EHBP1: variants seen among roughly 807,000 people sequenced by gnomAD.
The protein encoded by EHBP1 is EH domain-binding protein 1.
In EHBP1, 55 loss-of-function variants were observed where a neutral mutation model predicts 144.0. That is an observed-to-expected ratio of 0.38 (90% CI 0.31 to 0.48). The LOEUF (loss-of-function observed/expected upper bound fraction) is 0.48, where lower values mean the gene tolerates loss of function less well. EHBP1 is among the 20% of genes least tolerant of loss of function. The pLI is 0.98. For missense variants in EHBP1, 1,200 were observed against 1,364.2 expected (o/e 0.88, Z 1.90); for synonymous variants, 469 against 472.7 (o/e 0.99, Z 0.10).
chr2:62,801,220 G>A (rs192693050), intron 5 of EHBP1, among the ~76,000 whole-genome samples: 1 of 152,186 alleles, frequency 6.6e-6, no homozygotes, highest in African/African-American at 2.4e-5. Flanking sequence ...GCAAATTACC[G>A]ATGTCTCAAG....
intron 5 of EHBP1, among the ~76,000 whole-genome samples, chr2:62,777,334 T>C (rs1253907022): frequency 1.3e-5 from 2 of 152,208 alleles, no homozygotes; most frequent in African/African-American, 4.8e-5. Context: ...TTTTAATACA[T>C]TAAAAGCATA....
intron 19 of EHBP1, among the ~76,000 whole-genome samples, chr2:63,022,540 C>A (rs1253093154): frequency 5.9e-5 from 9 of 152,090 alleles, no homozygotes; most frequent in Middle Eastern, 3.4e-3. Context: ...ATCTCGAACT[C>A]CTGACCTCAG....
rs968378564 is a variant in EHBP1, at chr2:62,677,193, C to G, written c.-296+3110C>G. ...CCAGGTTGACAGAGCAAGCCTGTCT[C>G]AAAACAAACAAACAAAAAACCTTTG... is the stretch of plus-strand genomic sequence containing the variant. On this transcript the variant is annotated intron_variant, in intron 1 of 22. Coordinates refer to the EHBP1 transcript ENST00000405015. 2.6e-5 allele frequency among the ~76,000 whole-genome samples: 4 copies of G among 152,016 alleles called. No individual in the cohort carries two copies. In the South Asian group the frequency reaches 8.3e-4, roughly 32 times the overall value.
At chr2:62,690,778 T>C (rs956170375) in intron 1 of EHBP1, among the ~76,000 whole-genome samples, 2 of 151,994 alleles carry the variant, frequency 1.3e-5, no homozygotes, top group Admixed American at 6.6e-5. Context: ...TGAGACAGAA[T>C]GAAAAAGAAA....
At chr2:62,821,120 T>C (rs957166033) in intron 5 of EHBP1, among the ~76,000 whole-genome samples, 1 of 152,092 alleles carries the variant, frequency 6.6e-6, no homozygotes, top group Admixed American at 6.6e-5. Flanking sequence ...ACAGTCTATG[T>C]AATAAAGCCC....
At chr2:63,007,141 C>T (rs753965061) in intron 19 of EHBP1, among the ~76,000 whole-genome samples, 4 of 151,810 alleles carry the variant, frequency 2.6e-5, no homozygotes, top group Non-Finnish European at 5.9e-5. Context: ...AATGCTAGAG[C>T]TTTAAGACAC....
At chr2:62,928,378 G>T (rs1012740023) in intron 10 of EHBP1, among the ~76,000 whole-genome samples, 1 of 152,100 alleles carries the variant, frequency 6.6e-6, no homozygotes, top group Non-Finnish European at 1.5e-5. Context: ...GAATCAAAAA[G>T]TAAGTACTCA....
intron 10 of EHBP1, among the ~76,000 whole-genome samples, chr2:62,924,549 A>C (rs1470588469): frequency 6.6e-6 from 1 of 152,212 alleles, no homozygotes; most frequent in Non-Finnish European, 1.5e-5. Flanking sequence ...ACAGAAATAC[A>C]GAAGATTATT....
At chr2:63,030,377 ATC>A (rs1424338979) in intron 19 of EHBP1, among the ~76,000 whole-genome samples, 5 of 152,140 alleles carry the variant, frequency 3.3e-5, no homozygotes, top group African/African-American at 1.2e-4. Context: ...GCTTATAAAT[ATC>A]TGTTTTAATA....
At chr2:62,847,532 A>C (rs1343858538) in intron 7 of EHBP1, among the ~76,000 whole-genome samples, 1 of 152,172 alleles carries the variant, frequency 6.6e-6, no homozygotes, top group Non-Finnish European at 1.5e-5. Flanking sequence ...ACTTACACTA[A>C]TCAAAATAGA....
chr2:62,940,041 G>T, intron 10 of EHBP1: 1 of 404,986 alleles, frequency 2.5e-6, no homozygotes, highest in South Asian at 1.9e-5. Context: ...AGTGTGTGCT[G>T]ACTTGATCAG....
intron 7 of EHBP1, 76 bp from the exon 8 acceptor site, chr2:62,859,093 C>T: frequency 1.5e-6 from 2 of 1,354,002 alleles, no homozygotes; most frequent in Non-Finnish European, 2.0e-6. Context: ...GAACTTTTAC[C>T]ATTTGAAATA....
chr2:62,876,025 G>A (rs923413640), intron 10 of EHBP1, among the ~76,000 whole-genome samples: 5 of 152,194 alleles, frequency 3.3e-5, no homozygotes, highest in Non-Finnish European at 5.9e-5. Flanking sequence ...CCCTGAAACA[G>A]AGGGAGAGAG....
intron 7 of EHBP1, among the ~76,000 whole-genome samples, chr2:62,842,110 A>G (rs904826177): frequency 1.3e-5 from 2 of 150,870 alleles, no homozygotes; most frequent in African/African-American, 4.9e-5. Flanking sequence ...TTTTTGAGAC[A>G]AGGTCTTGCT....
Position 63,045,015 on chromosome 2 carries a change from CG to C in EHBP1, c.3278-48del. 7.3e-7 allele frequency: 1 copy of C among 1,368,258 alleles called. No homozygotes were observed. The highest frequency in any genetic ancestry group is 1.0e-6 in the Non-Finnish European group (1 of 985,672). 84.8% of individuals were successfully genotyped at this position (1,368,258 alleles called of 1,614,324 possible). On this transcript the variant is annotated intron_variant, in intron 21 of 22. Coordinates refer to ENST00000431489, the MANE Select transcript of EHBP1 (RefSeq NM_001142616.3). The surrounding 1 kb of genome is among the most constrained non-coding windows in gnomAD (Gnocchi z 5.7). Reference sequence around the variant, plus strand: ...AGGCGGGAAGGGGAGGGCGGGGGGCCGGGTGTTCGGAGGCCCTGCCGGTGGG... The same window carrying C: ...AGGCGGGAAGGGGAGGGCGGGGGGCCGGTGTTCGGAGGCCCTGCCGGTGGG...
At chr2:62,718,731 A>G (rs891724253) in intron 2 of EHBP1, among the ~76,000 whole-genome samples, 3 of 152,202 alleles carry the variant, frequency 2.0e-5, no homozygotes, top group Non-Finnish European at 4.4e-5. Context: ...TGACAGTTCT[A>G]TTGGTACTCC....
intron 14 of EHBP1, 74 bp from the exon 15 acceptor site, chr2:62,979,114 T>C (rs569454383): frequency 1.4e-6 from 2 of 1,478,202 alleles, no homozygotes; most frequent in African/African-American, 1.4e-5. Context: ...CCAGTTACTA[T>C]CATGATGATC....
chr2:62,828,760 G>T (rs2046537895), intron 6 of EHBP1, among the ~76,000 whole-genome samples: 1 of 152,122 alleles, frequency 6.6e-6, no homozygotes, highest in Non-Finnish European at 1.5e-5. Context: ...TATCTGATTT[G>T]CAAACTGTCT....
At chr2:62,837,963 T>C (rs2047430570) in intron 7 of EHBP1, among the ~76,000 whole-genome samples, 2 of 146,448 alleles carry the variant, frequency 1.4e-5, no homozygotes, top group African/African-American at 5.1e-5. Context: ...TACCCAGGAA[T>C]TGAACTCAGC....
Sources: gnomAD v4.1 joint callset for allele counts (sites outside exome capture counted in the v4.1 genomes callset) on GRCh38, gnomAD v4.1.1 for gene constraint, Gnocchi (gnomAD v3.1) non-coding constraint, MANE v1.5 for transcripts, NCBI Gene and HGNC (gene_info 2026-07-23, HGNC 2026-07-21) for gene names.